Variants in LUC7L2 observed in about 807,000 individuals in gnomAD.
LUC7L2 encodes LUC7 like 2, pre-mRNA splicing factor.
Under a neutral mutation model 52.8 loss-of-function variants are expected in LUC7L2, and 25 were observed. The ratio of observed to expected loss-of-function variants is 0.47; its 90% CI spans 0.34 to 0.66. The LOEUF (loss-of-function observed/expected upper bound fraction) is 0.66, where lower values mean the gene tolerates loss of function less well. LUC7L2 is among the 30% of genes least tolerant of loss of function. LUC7L2 has a pLI of 0.01. For missense variants in LUC7L2, 328 were observed against 497.8 expected (o/e 0.66, Z 3.25); for synonymous variants, 144 against 160.9 (o/e 0.89, Z 0.80).
At chr7:139,358,115 C>G (rs1799664107), upstream of LUC7L2, among the ~76,000 whole-genome samples, 1 of 152,144 alleles carries the variant, frequency 6.6e-6, no homozygotes, top group Non-Finnish European at 1.5e-5. Context: ...TCAAGTGATT[C>G]TCCTGCCTCA....
Position 139,360,273 on chromosome 7 carries a change from G to A in LUC7L2, c.12G>A (p.Gln4=), listed in dbSNP as rs1366809808. ...GCTACGCCGCCGCCATGTCGGCGCAGGCCCAGATGCGCGCGATGCTGGACC... is the reference window on the plus strand; with the variant it reads ...GCTACGCCGCCGCCATGTCGGCGCAAGCCCAGATGCGCGCGATGCTGGACC... MSA[Q]AQMRAMLDQL... is the part of the protein sequence containing the mutation. Residue 4 remains glutamine, a synonymous_variant, in exon 1 of 10, where the codon CAG becomes CAA. Coordinates refer to ENST00000354926, the MANE Select transcript of LUC7L2 (RefSeq NM_016019.5). 1 of 1,565,424 alleles carries A rather than the reference G, an allele frequency of 6.4e-7. No individual in the cohort carries two copies.
intron 3 of LUC7L2, among the ~76,000 whole-genome samples, chr7:139,398,938 A>T (rs552726971): frequency 6.6e-6 from 1 of 152,326 alleles, no homozygotes; most frequent in East Asian, 1.9e-4. Flanking sequence ...AATTAAGCAT[A>T]TTCTTCCCAA....
chr7:139,411,266 CG>C (rs1181114078), intron 7 of LUC7L2, among the ~76,000 whole-genome samples: 1 of 151,824 alleles, frequency 6.6e-6, no homozygotes, highest in Non-Finnish European at 1.5e-5. Context: ...AAAAAAAAGT[CG>C]TTGAATCTGT....
chr7:139,375,738 CATCTGCA>C, intron 1 of LUC7L2: 1 of 422,082 alleles, frequency 2.4e-6, no homozygotes, highest in South Asian at 8.8e-5. Context: ...TCAGTTTTCT[CATCTGCA>C]ATATGAAGGA....
intron 9 of LUC7L2, among the ~76,000 whole-genome samples, chr7:139,421,936 A>C (rs1795927118): frequency 6.6e-6 from 1 of 152,194 alleles, no homozygotes; most frequent in East Asian, 1.9e-4. Context: ...GTAAGAAATT[A>C]TTTTAGCCTT....
At chr7:139,416,512 A>T (rs1429705969) in intron 8 of LUC7L2, 1 of 152,024 alleles carries the variant, frequency 6.6e-6, no homozygotes, top group Non-Finnish European at 1.5e-5. Context: ...CTTTCTCCCA[A>T]ACTGTTTGCT....
intron 1 of LUC7L2, chr7:139,345,532 A>G (rs748527337): frequency 3.1e-6 from 5 of 1,614,198 alleles, no homozygotes; most frequent in South Asian, 2.2e-5. Flanking sequence ...AGAGCCCAAC[A>G]TGAGCTTCAT....
At chr7:139,396,176 C>CA (rs1794656674) in intron 2 of LUC7L2, among the ~76,000 whole-genome samples, 1 of 152,134 alleles carries the variant, frequency 6.6e-6, no homozygotes, top group Non-Finnish European at 1.5e-5. Context: ...TGCAGTTGCT[C>CA]ATACCTGTAA....
At chr7:139,386,769 C>G (rs1262988234) in intron 2 of LUC7L2, among the ~76,000 whole-genome samples, 1 of 151,918 alleles carries the variant, frequency 6.6e-6, no homozygotes, top group Non-Finnish European at 1.5e-5. Flanking sequence ...TGCTTTCTAG[C>G]TGATTCTTAC....
chr7:139,410,493 G>T (rs959410241), intron 7 of LUC7L2, among the ~76,000 whole-genome samples: 9 of 152,054 alleles, frequency 5.9e-5, no homozygotes, highest in Non-Finnish European at 1.3e-4. Flanking sequence ...TAGAATTCTA[G>T]TATTTGGAAT....
chr7:139,421,682 G>A (rs1795912353), intron 9 of LUC7L2, among the ~76,000 whole-genome samples: 1 of 152,224 alleles, frequency 6.6e-6, no homozygotes, highest in Non-Finnish European at 1.5e-5. Context: ...CTGGCCGGTA[G>A]CCTGTACAAC....
chr7:139,387,811 A>G (rs1794270585), intron 2 of LUC7L2, among the ~76,000 whole-genome samples: 1 of 151,976 alleles, frequency 6.6e-6, no homozygotes, highest in Non-Finnish European at 1.5e-5. Context: ...GAAGTGCAGT[A>G]GTGTCATTAT....
At chr7:139,381,232 TAGG>T (rs1289301611) in intron 2 of LUC7L2, among the ~76,000 whole-genome samples, 3 of 152,122 alleles carry the variant, frequency 2.0e-5, no homozygotes, top group Non-Finnish European at 4.4e-5. Flanking sequence ...GTCAGTTTTT[TAGG>T]TAATTCAGTT....
At chr7:139,416,040 A>ATATAT (rs1795586484) in intron 8 of LUC7L2, 1 of 97,744 alleles carries the variant, frequency 1.0e-5, no homozygotes, top group Non-Finnish European at 2.4e-5. Context: ...TGAGGTATAA[A>ATATAT]ATATATATAT....
intron 1 of LUC7L2, among the ~76,000 whole-genome samples, chr7:139,366,685 T>G (rs1800173420): frequency 6.6e-6 from 1 of 152,236 alleles, no homozygotes; most frequent in Non-Finnish European, 1.5e-5. Flanking sequence ...CGAAAACATT[T>G]ACCATTTGAC....
At chr7:139,374,896 T>G in intron 1 of LUC7L2, 6 of 993,200 alleles carry the variant, frequency 6.0e-6, no homozygotes, top group Non-Finnish European at 7.2e-6. Context: ...ATACAGAAAC[T>G]AAGTGATTGA....
In LUC7L2 at chr7:139,384,791, C is replaced by T. The variant is rs189787339; in HGVS notation, c.156+8635C>T. ...TGGGGGTCTCACTGTGTTGTCCAGG[C>T]TGGAGTGCAGTGGCTATTTGTAGGA... is the stretch of plus-strand genomic sequence containing the variant. On this transcript the variant is annotated intron_variant, in intron 2 of 9. Coordinates refer to ENST00000354926, the MANE Select transcript of LUC7L2 (RefSeq NM_016019.5). 1.7e-3 allele frequency among the ~76,000 whole-genome samples: 259 copies of T among 152,208 alleles called. 1 individual carries two copies. Among genetic ancestry groups the T allele is most frequent in the Admixed American group, 0.016 (242 of 15,270 alleles).
intron 1 of LUC7L2, among the ~76,000 whole-genome samples, chr7:139,347,159 C>T (rs1238735538): frequency 2.6e-5 from 4 of 152,180 alleles, no homozygotes; most frequent in Admixed American, 1.3e-4. Context: ...CCTCTTTTCT[C>T]GGGGACTATG....
At chr7:139,382,084 G>A (rs1190388715) in intron 2 of LUC7L2, among the ~76,000 whole-genome samples, 3 of 151,826 alleles carry the variant, frequency 2.0e-5, no homozygotes, top group Non-Finnish European at 4.4e-5. Context: ...TAGAGATGGA[G>A]TTTCACCATG....
Sources: allele counts gnomAD v4.1 joint callset (sites outside exome capture counted in the v4.1 genomes callset), GRCh38; gene constraint gnomAD v4.1.1; transcripts MANE v1.5; gene names NCBI Gene and HGNC (gene_info 2026-07-23, HGNC 2026-07-21).